The following USP1 variants were observed in gnomAD, a reference collection of about 807,000 sequenced individuals.
USP1 encodes the protein ubiquitin specific peptidase 1.
In USP1, 18 loss-of-function variants were observed where a neutral mutation model predicts 72.2. That is an observed-to-expected ratio of 0.25 (90% confidence interval 0.17 to 0.37). The LOEUF (loss-of-function observed/expected upper bound fraction) is 0.37. Among genes scored for constraint, USP1 ranks in the 10% least tolerant of loss-of-function variants. The probability of loss-of-function intolerance (pLI) is 1.00; values close to 1 mark genes in which losing one functional copy is unlikely to be tolerated. For synonymous variants in USP1, 354 were observed against 303.7 expected (o/e 1.17, Z -1.72); for missense variants, 759 against 884.9 (o/e 0.86, Z 1.81).
At chr1:62,442,323 A>G (rs762674329) in intron 4 of USP1, 24 bp downstream of exon 4, 12 of 1,525,812 alleles carry the variant, frequency 7.9e-6, no homozygotes, top group Non-Finnish European at 1.1e-5. Context: ...AGAACAGAAA[A>G]TAATGTAAAA....
chr1:62,440,413 T>C (rs1011671904), intron 2 of USP1, among the ~76,000 whole-genome samples: 2 of 133,430 alleles, frequency 1.5e-5, no homozygotes, highest in Non-Finnish European at 3.3e-5. Context: ...TTGACAGTTA[T>C]AAGACATTTT....
At chr1:62,447,557 A>G in intron 7 of USP1, 46 bp downstream of exon 7, 1 of 1,565,352 alleles carries the variant, frequency 6.4e-7, no homozygotes, top group Non-Finnish European at 8.6e-7. Flanking sequence ...GAATATTTAT[A>G]ATTCTTTAAC....
At chr1:62,442,170 C>T in intron 3 of USP1, 25 bp from the exon 4 acceptor site, 1 of 1,460,518 alleles carries the variant, frequency 6.8e-7, no homozygotes, top group South Asian at 1.2e-5. Context: ...TCAGTAAACA[C>T]TTAAGACAAT....
At chr1:62,437,883 A>G (rs1303315046) in intron 1 of USP1, among the ~76,000 whole-genome samples, 2 of 152,222 alleles carry the variant, frequency 1.3e-5, no homozygotes, top group Non-Finnish European at 2.9e-5. Flanking sequence ...GTCCTTGTAG[A>G]TTTTTGTTGA....
At chr1:62,442,997 C>CAAAATAAA (rs1557554784) in intron 4 of USP1, among the ~76,000 whole-genome samples, 162 bp from the exon 5 acceptor site, 1 of 150,904 alleles carries the variant, frequency 6.6e-6, no homozygotes, top group African/African-American at 2.4e-5. Context: ...GACCCTGTCT[C>CAAAATAAA]AAAATAAAAA....
intron 8 of USP1, among the ~76,000 whole-genome samples, chr1:62,449,824 G>T (rs1645201206): frequency 6.6e-6 from 1 of 151,658 alleles, no homozygotes; most frequent in African/African-American, 2.4e-5. Context: ...AGGAGGAGGA[G>T]CCTGAGGTGG....
At chr1:62,437,605 A>G (rs1353163721) in intron 1 of USP1, among the ~76,000 whole-genome samples, 1 of 151,922 alleles carries the variant, frequency 6.6e-6, no homozygotes, top group Non-Finnish European at 1.5e-5. Context: ...CTGGGCGTAA[A>G]TAGGCCAACT....
chr1:62,446,675 C>G (rs1445159418), intron 6 of USP1, among the ~76,000 whole-genome samples: 1 of 152,176 alleles, frequency 6.6e-6, no homozygotes, highest in Non-Finnish European at 1.5e-5. Flanking sequence ...TTGTCCAGAT[C>G]TACAGATATC....
chr1:62,445,921 G>A (rs1198115478), intron 6 of USP1, among the ~76,000 whole-genome samples: 1 of 152,158 alleles, frequency 6.6e-6, no homozygotes, highest in Non-Finnish European at 1.5e-5. Context: ...GGAGGTTGCA[G>A]TGAGCCAATA....
chr1:62,436,430 A>G (rs1645087341), upstream of USP1: 1 of 152,226 alleles, frequency 6.6e-6, no homozygotes, highest in Non-Finnish European at 1.5e-5. Flanking sequence ...AGCGCCAATG[A>G]GAGCGGAAGG....
Position 62,437,409 on chromosome 1 carries a change from G to C in USP1, c.-70+9G>C. ...CTTTGGGCCATGACCAGGTAAGGAG[G>C]GCCTGGGAGGAGGGGCCGGCTCCCG... On this transcript the variant is annotated intron_variant, in intron 1 of 8. Coordinates refer to ENST00000339950, the MANE Select transcript of USP1 (RefSeq NM_003368.5). 1 of 377,720 alleles carries C rather than the reference G, an allele frequency of 2.6e-6. No homozygotes were observed. Among genetic ancestry groups the C allele is most frequent in the East Asian group, 3.8e-5 (1 of 26,662 alleles). The allele number at this position is 377,720 out of a possible 1,614,324, so 23.4% of individuals were successfully genotyped here. A position where few individuals can be genotyped will look rare whatever the true frequency, so the allele number is the denominator to read the frequency against.
intron 6 of USP1, among the ~76,000 whole-genome samples, chr1:62,445,851 C>T (rs1781215): frequency 8.5e-5 from 13 of 152,124 alleles, no homozygotes; most frequent in South Asian, 4.1e-4. Context: ...TGGTGGCGCA[C>T]GCCTGTAGTC....
At chr1:62,439,043 T>C (rs1571128555) in intron 1 of USP1, among the ~76,000 whole-genome samples, 1 of 152,212 alleles carries the variant, frequency 6.6e-6, no homozygotes, top group Non-Finnish European at 1.5e-5. Context: ...TCCATGTTAA[T>C]AACTAGAAAA....
In USP1 at chr1:62,451,701, A is replaced by C. The variant is rs1473070698; in HGVS notation, c.*720A>C. 3 of 152,618 alleles carry C rather than the reference A, an allele frequency of 2.0e-5. No individual in the cohort carries two copies. Among genetic ancestry groups the C allele is most frequent in the Non-Finnish European group, 2.9e-5 (2 of 68,032 alleles). 9.5% of individuals were successfully genotyped at this position (152,618 alleles called of 1,614,324 possible). A position where few individuals can be genotyped will look rare whatever the true frequency, so the allele number is the denominator to read the frequency against. On this transcript the variant is annotated 3_prime_UTR_variant, in exon 9 of 9. Coordinates refer to ENST00000339950, the MANE Select transcript of USP1 (RefSeq NM_003368.5). ...GACCTTAAATTTAACTTTTTTTAAA[A>C]ACTGGGAGGTCAATAAAATTTAAAC...
intron 8 of USP1, among the ~76,000 whole-genome samples, chr1:62,449,964 C>T (rs1645202287): frequency 6.6e-6 from 1 of 150,744 alleles, no homozygotes; most frequent in South Asian, 2.1e-4. Context: ...ATTTAAAATA[C>T]CATTTATTTT....
intron 2 of USP1, 135 bp from the exon 3 acceptor site, chr1:62,441,353 A>C: frequency 9.1e-7 from 1 of 1,097,668 alleles, no homozygotes; most frequent in Non-Finnish European, 1.2e-6. Flanking sequence ...GTATTTCTTA[A>C]AATGTCATCT....
chr1:62,449,788 T>C (rs1645200898), intron 8 of USP1, among the ~76,000 whole-genome samples: 1 of 151,818 alleles, frequency 6.6e-6, no homozygotes, highest in African/African-American at 2.4e-5. Context: ...GGCGGGCACT[T>C]GTGGTCCCAA....
chr1:62,441,667 T>G (rs1207494556), intron 3 of USP1, 59 bp downstream of exon 3: 3 of 1,534,826 alleles, frequency 2.0e-6, no homozygotes, highest in Non-Finnish European at 2.6e-6. Flanking sequence ...GATGTAGCAT[T>G]TAATGTTTTT....
intron 6 of USP1, 139 bp from the exon 7 acceptor site, chr1:62,447,202 A>G (rs745311597): frequency 1.2e-6 from 1 of 809,072 alleles, no homozygotes; most frequent in Non-Finnish European, 1.9e-6. Context: ...ACCTCTAATA[A>G]GCTAATAATG....
Sources: allele counts gnomAD v4.1 joint callset (sites outside exome capture counted in the v4.1 genomes callset), GRCh38; gene constraint gnomAD v4.1.1; transcripts MANE v1.5; gene names NCBI Gene and HGNC (gene_info 2026-07-23, HGNC 2026-07-21).